Variants in VAV3 observed in about 807,000 individuals in gnomAD.
The protein encoded by VAV3 is vav guanine nucleotide exchange factor 3.
In VAV3, 94 loss-of-function variants were observed where a neutral mutation model predicts 131.2. That is an observed-to-expected ratio of 0.72 (90% CI 0.61 to 0.85). VAV3 has a LOEUF of 0.85. VAV3 is among the 40% of genes least tolerant of loss of function. The probability of loss-of-function intolerance (pLI) is 0.00; values close to 1 mark genes in which losing one functional copy is unlikely to be tolerated. For synonymous variants in VAV3, 349 were observed against 342.0 expected (o/e 1.02, Z -0.22); for missense variants, 939 against 1,002.7 (o/e 0.94, Z 0.86).
At chr1:107,678,788 G>T (rs2101714828) in intron 19 of VAV3, among the ~76,000 whole-genome samples, 1 of 152,006 alleles carries the variant, frequency 6.6e-6, no homozygotes, top group East Asian at 1.9e-4. Flanking sequence ...AGACATTTGT[G>T]TTTCCCAATT....
intron 2 of VAV3, among the ~76,000 whole-genome samples, chr1:107,874,467 T>C (rs962421282): frequency 3.3e-5 from 5 of 152,144 alleles, no homozygotes; most frequent in African/African-American, 1.2e-4. Context: ...CAGAACATTC[T>C]CAACTTCCAA....
intron 21 of VAV3, among the ~76,000 whole-genome samples, chr1:107,610,952 C>G (rs1652681014): frequency 6.6e-6 from 1 of 152,136 alleles, no homozygotes; most frequent in African/African-American, 2.4e-5. Context: ...AGAGAACTAG[C>G]CAATGTGAAC....
At chr1:107,775,997 C>A (rs1245788901) in intron 4 of VAV3, among the ~76,000 whole-genome samples, 1 of 152,162 alleles carries the variant, frequency 6.6e-6, no homozygotes, top group Non-Finnish European at 1.5e-5. Context: ...AATTTACTAG[C>A]AATATTACCC....
At position 107,646,269 on chromosome 1, in the gene VAV3, A is replaced by G. The variant is rs993781556; in HGVS notation, c.1778-3514T>C. 5.9e-5 allele frequency among the ~76,000 whole-genome samples: 9 copies of G among 152,076 alleles called. No homozygotes were observed. In the South Asian group the frequency reaches 1.9e-3, roughly 31 times the overall value. On this transcript the variant is annotated intron_variant, in intron 19 of 26. Transcript: ENST00000370056. ...AAATACACATTTCATTATATTATAA[A>G]CTCACAACTAATCTCAGAAAGTTGC...
rs148830812 is a variant in VAV3, at chr1:107,847,916, T to C, written c.321+26985A>G. On this transcript the variant is annotated intron_variant, in intron 2 of 26. Coordinates refer to ENST00000370056, the MANE Select transcript of VAV3 (RefSeq NM_006113.5). ...AAAGAGAGACTCCTCCTAACTCATT[T>C]TGAGGCCAGTCCTGATACCAACACC... 8.7e-3 allele frequency among the ~76,000 whole-genome samples: 1,330 copies of C among 152,238 alleles called. 11 individuals are homozygous for C. The highest frequency in any genetic ancestry group is 0.031 in the South Asian group (151 of 4,826).
At chr1:107,580,871 C>CTA (rs570718694) in intron 25 of VAV3, among the ~76,000 whole-genome samples, 74 of 152,192 alleles carry the variant, frequency 4.9e-4, no homozygotes, top group Non-Finnish European at 7.9e-4. Flanking sequence ...CCACTTGTTT[C>CTA]TATATATATG....
intron 2 of VAV3, among the ~76,000 whole-genome samples, chr1:107,779,949 C>T (rs1665599515): frequency 1.3e-5 from 2 of 152,064 alleles, no homozygotes; most frequent in Non-Finnish European, 2.9e-5. Flanking sequence ...GTTCAGTAGC[C>T]ACACACATGT....
intron 20 of VAV3, among the ~76,000 whole-genome samples, chr1:107,637,215 T>G (rs1344409237): frequency 6.6e-6 from 1 of 152,156 alleles, no homozygotes; most frequent in Non-Finnish European, 1.5e-5. Flanking sequence ...CCATTAAATT[T>G]GACAACTTAG....
At position 107,672,270 on chromosome 1, in the gene VAV3, A is replaced by G. The variant is rs1289323878; in HGVS notation, c.1777+11218T>C. On this transcript the variant is annotated intron_variant, in intron 19 of 26. Transcript: ENST00000370056. ...GGCAACAGAGCAAGACTCTGTCTCA[A>G]AAAAAAAAAAAAAAAAAAAAAGATA... is the stretch of plus-strand genomic sequence containing the variant. 1.8e-4 allele frequency: 6 copies of G among 33,612 alleles called. No homozygotes were observed. In the East Asian group the frequency reaches 1.8e-3, roughly 10 times the overall value. The allele number at this position is 33,612 out of a possible 1,614,324, so 2.1% of individuals were successfully genotyped here. A position where few individuals can be genotyped will look rare whatever the true frequency, so the allele number is the denominator to read the frequency against.
At chr1:107,577,576 A>G (rs1256958085) in intron 25 of VAV3, among the ~76,000 whole-genome samples, 2 of 152,252 alleles carry the variant, frequency 1.3e-5, no homozygotes, top group African/African-American at 4.8e-5. Flanking sequence ...GTCATGAGAC[A>G]GCTTCTGGGA....
At chr1:107,832,186 C>G (rs1405231027) in intron 2 of VAV3, among the ~76,000 whole-genome samples, 3 of 152,166 alleles carry the variant, frequency 2.0e-5, no homozygotes, top group Non-Finnish European at 2.9e-5. Context: ...ACAAACATGG[C>G]CAGGGAAACG....
At chr1:107,685,034 T>C (rs1041730072) in intron 18 of VAV3, among the ~76,000 whole-genome samples, 5 of 152,146 alleles carry the variant, frequency 3.3e-5, no homozygotes, top group Non-Finnish European at 7.4e-5. Context: ...CTACTGATTT[T>C]ATACCTGCTA....
At chr1:107,772,246 A>C (rs757245081) in intron 5 of VAV3, among the ~76,000 whole-genome samples, 8 of 152,220 alleles carry the variant, frequency 5.3e-5, no homozygotes, top group African/African-American at 1.7e-4. Flanking sequence ...TCTGAAACTA[A>C]ATTTATAAAT....
chr1:107,615,800 C>T (rs1051240085), intron 21 of VAV3, among the ~76,000 whole-genome samples: 1 of 152,066 alleles, frequency 6.6e-6, no homozygotes, highest in African/African-American at 2.4e-5. Context: ...TGAACAGACA[C>T]TTTTGGAAAG....
At chr1:107,774,262 T>C (rs1309244413) in intron 4 of VAV3, among the ~76,000 whole-genome samples, 1 of 152,152 alleles carries the variant, frequency 6.6e-6, no homozygotes, top group Non-Finnish European at 1.5e-5. Flanking sequence ...AGACAGGGTT[T>C]CACCATGTTG....
chr1:107,593,999 A>C (rs1651175107), intron 25 of VAV3, among the ~76,000 whole-genome samples: 1 of 152,090 alleles, frequency 6.6e-6, no homozygotes, highest in Non-Finnish European at 1.5e-5. Flanking sequence ...GAACCATCTT[A>C]GTCTTCCTCT....
chr1:107,772,542 G>T (rs1665106599), intron 5 of VAV3, among the ~76,000 whole-genome samples, 193 bp downstream of exon 5: 1 of 152,038 alleles, frequency 6.6e-6, no homozygotes, highest in Admixed American at 6.6e-5. Context: ...CTAGACAAAA[G>T]ATTCCCTATG....
chr1:107,607,516 T>C (rs1652376636), intron 22 of VAV3, among the ~76,000 whole-genome samples: 1 of 152,164 alleles, frequency 6.6e-6, no homozygotes, highest in Non-Finnish European at 1.5e-5. Context: ...CTGCTAGGCT[T>C]GATCTTTCCA....
At chr1:107,620,581 G>A (rs1653504348) in intron 20 of VAV3, among the ~76,000 whole-genome samples, 1 of 152,022 alleles carries the variant, frequency 6.6e-6, no homozygotes, top group African/African-American at 2.4e-5. Flanking sequence ...CTGTCATTAA[G>A]TAACTCATGA....
Sources: allele counts gnomAD v4.1 joint callset (sites outside exome capture counted in the v4.1 genomes callset), GRCh38; gene constraint gnomAD v4.1.1; transcripts MANE v1.5; gene names NCBI Gene and HGNC (gene_info 2026-07-23, HGNC 2026-07-21).